GABRG1: variants seen among roughly 807,000 people sequenced by gnomAD.
The protein encoded by GABRG1 is gamma-aminobutyric acid type A receptor subunit gamma1, also known as gamma-aminobutyric acid receptor subunit gamma-1.
Under a neutral mutation model 49.8 loss-of-function variants are expected in GABRG1, and 49 were observed. The ratio of observed to expected loss-of-function variants is 0.98; its 90% confidence interval spans 0.78 to 1.25. The LOEUF (loss-of-function observed/expected upper bound fraction) is 1.25. Ranked by LOEUF, GABRG1 falls within the 50% of genes most tolerant of loss-of-function variation. GABRG1 has a pLI of 0.00. For synonymous variants in GABRG1, 232 were observed against 185.1 expected (o/e 1.25, Z -2.06); for missense variants, 552 against 552.3 (o/e 1.00, Z 0.01).
At chr4:46,099,916 G>A (rs1012441285) in intron 1 of GABRG1, among the ~76,000 whole-genome samples, 4 of 151,608 alleles carry the variant, frequency 2.6e-5, no homozygotes, top group Non-Finnish European at 4.4e-5. Flanking sequence ...TCTGATACCC[G>A]CAGTATGCAA....
chr4:46,107,002 G>C (rs542326658), intron 1 of GABRG1, among the ~76,000 whole-genome samples: 6 of 151,390 alleles, frequency 4.0e-5, no homozygotes, highest in African/African-American at 1.2e-4. Flanking sequence ...TGTGAAATAA[G>C]CACAGCATGG....
At chr4:46,060,045 C>T (rs36060729) in intron 5 of GABRG1, among the ~76,000 whole-genome samples, 6,300 of 152,048 alleles carry the variant, frequency 0.041, 210 homozygotes, top group Admixed American at 0.077. Context: ...CTGTCTAGAA[C>T]GGAGGTCTAT....
intron 8 of GABRG1, among the ~76,000 whole-genome samples, chr4:46,045,985 TCAGAAATACA>T (rs1382617995): frequency 1.3e-5 from 2 of 152,074 alleles, no homozygotes; most frequent in African/African-American, 4.8e-5. Context: ...ACAGTAAGAA[TCAGAAATACA>T]ATGAAAATAA....
At chr4:46,083,270 T>C (rs1407843371) in intron 3 of GABRG1, among the ~76,000 whole-genome samples, 1 of 151,684 alleles carries the variant, frequency 6.6e-6, no homozygotes, top group African/African-American at 2.4e-5. Context: ...CCCTTGAAGA[T>C]CTATTGTCCA....
intron 2 of GABRG1, 24 bp from the exon 3 acceptor site, chr4:46,084,077 AG>A: frequency 1.4e-6 from 2 of 1,379,536 alleles, no homozygotes; most frequent in Non-Finnish European, 2.0e-6. Flanking sequence ...ACAAAAAGAA[AG>A]GTCAAAGATA....
chr4:46,074,234 A>G (rs752141143), intron 3 of GABRG1, among the ~76,000 whole-genome samples: 3 of 152,110 alleles, frequency 2.0e-5, no homozygotes, highest in South Asian at 4.1e-4. Flanking sequence ...TACTAAAAAT[A>G]TTTTCTTGAT....
At chr4:46,109,656 T>A (rs1720659653) in intron 1 of GABRG1, among the ~76,000 whole-genome samples, 1 of 151,150 alleles carries the variant, frequency 6.6e-6, no homozygotes, top group Admixed American at 6.6e-5. Flanking sequence ...AGTTAGCATA[T>A]AAACTTTCTT....
chr4:46,067,335 A>T, intron 3 of GABRG1, among the ~76,000 whole-genome samples: 1 of 152,246 alleles, frequency 6.6e-6, no homozygotes, highest in Middle Eastern at 3.4e-3. Flanking sequence ...TTAAAATCCA[A>T]TAGGTACCAG....
chr4:46,062,048 C>A (rs1314332210), intron 5 of GABRG1, among the ~76,000 whole-genome samples: 2 of 123,666 alleles, frequency 1.6e-5, no homozygotes, highest in African/African-American at 6.2e-5. Flanking sequence ...CACAACAGTC[C>A]CCAGAGTGTG....
chr4:46,041,327 G>T (rs80084959), intron 8 of GABRG1, 73 bp from the exon 9 acceptor site: 11 of 1,401,874 alleles, frequency 7.8e-6, no homozygotes, highest in African/African-American at 1.4e-5. Context: ...CTCCTTTAAC[G>T]CAAACTCTAG....
chr4:46,094,030 C>T (rs1307292155), intron 2 of GABRG1, among the ~76,000 whole-genome samples: 1 of 151,868 alleles, frequency 6.6e-6, no homozygotes, highest in Non-Finnish European at 1.5e-5. Context: ...AGAACACAGG[C>T]TAATTTTTGA....
chr4:46,116,469 C>T (rs1424316558), intron 1 of GABRG1, among the ~76,000 whole-genome samples: 2 of 150,572 alleles, frequency 1.3e-5, no homozygotes, highest in East Asian at 3.9e-4. Context: ...TTCAAGGCTG[C>T]TAAAAATATT....
chr4:46,098,392 A>G (rs890142876), intron 1 of GABRG1, among the ~76,000 whole-genome samples: 8 of 151,812 alleles, frequency 5.3e-5, no homozygotes, highest in African/African-American at 1.9e-4. Context: ...ACTAAACACT[A>G]ACATTGGTAA....
At chr4:46,118,806 A>T (rs1387667158) in intron 1 of GABRG1, among the ~76,000 whole-genome samples, 2 of 146,422 alleles carry the variant, frequency 1.4e-5, no homozygotes, top group East Asian at 1.9e-4. Context: ...ATGTTTGAAA[A>T]TAAAAAAAAC....
At chr4:46,074,295 T>C (rs2109415753) in intron 3 of GABRG1, among the ~76,000 whole-genome samples, 1 of 152,292 alleles carries the variant, frequency 6.6e-6, no homozygotes, top group African/African-American at 2.4e-5. Flanking sequence ...TATTTGGAAA[T>C]GATATATTTA....
At chr4:46,113,081 A>G (rs2109442140) in intron 1 of GABRG1, among the ~76,000 whole-genome samples, 1 of 151,320 alleles carries the variant, frequency 6.6e-6, no homozygotes, top group South Asian at 2.1e-4. Context: ...ATATTATTTA[A>G]TCATTGAAGC....
intron 3 of GABRG1, among the ~76,000 whole-genome samples, chr4:46,066,213 A>G (rs1718914953): frequency 6.6e-6 from 1 of 152,188 alleles, no homozygotes; most frequent in Non-Finnish European, 1.5e-5. Flanking sequence ...ATTAATTTAT[A>G]CATACAGTTT....
chr4:46,076,994 A>G (rs1335046976), intron 3 of GABRG1, among the ~76,000 whole-genome samples: 1 of 151,642 alleles, frequency 6.6e-6, no homozygotes, highest in African/African-American at 2.4e-5. Context: ...CATGTAAAAT[A>G]ATTCATTACT....
chr4:46,117,550 G>GTCTCTCTCTCTCTCTC (rs373546541), intron 1 of GABRG1, among the ~76,000 whole-genome samples: 8 of 116,684 alleles, frequency 6.9e-5, no homozygotes, highest in African/African-American at 2.4e-4. Context: ...TGTTATCTCT[G>GTCTCTCTCTCTCTCTC]TCTCTCTCTC....
Sources: gnomAD v4.1 joint callset for allele counts (sites outside exome capture counted in the v4.1 genomes callset) on GRCh38, gnomAD v4.1.1 for gene constraint, MANE v1.5 for transcripts, NCBI Gene and HGNC (gene_info 2026-07-23, HGNC 2026-07-21) for gene names.